The following KLHL5 variants were observed in gnomAD, a reference collection of about 807,000 sequenced individuals.
KLHL5 encodes kelch like family member 5.
A neutral mutation model predicts 77.7 loss-of-function variants in KLHL5; 48 were observed. That is an observed-to-expected ratio of 0.62 (90% CI 0.49 to 0.79). The LOEUF is 0.79. Among genes scored for constraint, KLHL5 ranks in the 30% least tolerant of loss-of-function variants. KLHL5 has a pLI of 0.00. For missense variants in KLHL5, 723 were observed against 859.7 expected (o/e 0.84, Z 1.99); for synonymous variants, 260 against 297.0 (o/e 0.88, Z 1.28).
Position 39,101,859 on chromosome 4 carries a change from A to AAAATAT in KLHL5, c.1301-1427_1301-1426insAATATA, listed in dbSNP as rs1553892985. Among the ~76,000 whole-genome samples the AAAATAT allele has an allele frequency of 2.7e-4, 28 of 104,770 alleles. No homozygotes were observed. The East Asian group carries it at 8.2e-3, about 31-fold the overall frequency. The allele number at this position is 104,770 out of a possible 152,430, so 68.7% of individuals were successfully genotyped here. On this transcript the variant is annotated intron_variant, in intron 6 of 10. Transcript: ENST00000504108. The stretch of plus-strand genomic sequence containing the variant: ...ACAGTCTGTCTCAAAAAAAAAAAAA[A>AAAATAT]ATATATATATATATATATACACACA...
Position 39,105,920 on chromosome 4 carries a change from G to C in KLHL5, c.1526-1649G>C, listed in dbSNP as rs544601316. ...ATTAAAATATATCTGTAATACAGGG[G>C]TTCTTTTGGCCCCCAAGTGACATAT... On this transcript the variant is annotated intron_variant, in intron 7 of 10. Coordinates refer to ENST00000504108, the MANE Select transcript of KLHL5 (RefSeq NM_015990.5). 3.3e-5 allele frequency among the ~76,000 whole-genome samples: 5 copies of C among 152,082 alleles called. No homozygotes were observed. The East Asian group carries it at 7.7e-4, about 24-fold the overall frequency.
In KLHL5 at chr4:39,096,769, G is replaced by A. The variant is rs774903974; in HGVS notation, c.1191G>A (p.Lys397=). 21 of 1,612,706 alleles carry A rather than the reference G, an allele frequency of 1.3e-5. No individual in the cohort carries two copies. The highest frequency in any genetic ancestry group is 1.2e-4 in the African/African-American group (9 of 74,880). The change falls in exon 6 of 11, where the codon AAG becomes AAA. Residue 397 remains lysine (K), a synonymous_variant. Coordinates refer to ENST00000504108, the MANE Select transcript of KLHL5 (RefSeq NM_015990.5). ...ECQKLIMEAM[K]YHLLPERRPM... ...AGAAACTCATTATGGAAGCAATGAA[G>A]TACCATTTATTACCAGAGAGACGAC...
chr4:39,048,637 G>GTTTTTTTTTTTTTTTTTTT (rs1577617588), intron 1 of KLHL5, among the ~76,000 whole-genome samples: 1 of 48,724 alleles, frequency 2.1e-5, no homozygotes, highest in African/African-American at 8.2e-5. Context: ...TTTTACATTG[G>GTTTTTTTTTTTTTTTTTTT]CTTTTTTTTT....
intron 6 of KLHL5, among the ~76,000 whole-genome samples, chr4:39,102,100 A>G (rs1721626804): frequency 6.6e-6 from 1 of 151,034 alleles, no homozygotes; most frequent in African/African-American, 2.4e-5. Flanking sequence ...TATGTATAAC[A>G]CAACTATTTC....
rs34713116 is a variant in KLHL5, at chr4:39,048,638, C to CTTTTTTTTTTTTTTTTT, written c.-95+3547_-95+3563dup. Among the ~76,000 whole-genome samples, 66 of 79,142 alleles carry CTTTTTTTTTTTTTTTTT rather than the reference C, an allele frequency of 8.3e-4. 9 individuals carry two copies. The highest frequency in any genetic ancestry group is 3.4e-3 in the African/African-American group (63 of 18,592). The allele number at this position is 79,142 out of a possible 152,430, so 51.9% of individuals were successfully genotyped here. On this transcript the variant is annotated intron_variant, in intron 1 of 11. Transcript: ENST00000261425. ...AAAGGATGTGGTGATTTTACATTGGCTTTTTTTTTTTTTTTTTTTTTGGAG... is the reference window on the plus strand; with the variant it reads ...AAAGGATGTGGTGATTTTACATTGGCTTTTTTTTTTTTTTTTTTTTTTTTTTTTTTTTTTTTTTGGAG...
At chr4:39,139,860 A>G in the KLHL5 span, among the ~76,000 whole-genome samples, 1 of 152,210 alleles carries the variant, frequency 6.6e-6, no homozygotes, top group East Asian at 1.9e-4. Context: ...CAGAATAGCT[A>G]GCTTGGAACT....
At chr4:39,106,878 AT>A (rs1722074188) in intron 7 of KLHL5, among the ~76,000 whole-genome samples, 1 of 150,564 alleles carries the variant, frequency 6.6e-6, no homozygotes, top group South Asian at 2.1e-4. Context: ...GGCTAAGACT[AT>A]AGGTGATGCC....
At chr4:39,069,023 T>C (rs760356318) in intron 1 of KLHL5, among the ~76,000 whole-genome samples, 3 of 152,198 alleles carry the variant, frequency 2.0e-5, no homozygotes, top group Non-Finnish European at 4.4e-5. Context: ...GTAGCTCTGC[T>C]TCACAAGTTC....
intron 8 of KLHL5, among the ~76,000 whole-genome samples, chr4:39,111,786 G>C (rs1722471073): frequency 6.6e-6 from 1 of 152,036 alleles, no homozygotes; most frequent in South Asian, 2.1e-4. Context: ...TTTAGAACAA[G>C]ATATTGCTAT....
intron 1 of KLHL5, among the ~76,000 whole-genome samples, chr4:39,057,158 A>G (rs1717060711): frequency 6.6e-6 from 1 of 152,184 alleles, no homozygotes; most frequent in Admixed American, 6.5e-5. Context: ...GGATTTTAAA[A>G]TCTTTCAAGT....
chr4:39,075,686 T>C (rs1195703440), intron 1 of KLHL5, among the ~76,000 whole-genome samples: 1 of 152,198 alleles, frequency 6.6e-6, no homozygotes, highest in Non-Finnish European at 1.5e-5. Context: ...AGCAGAGACA[T>C]TGGCTTTAAC....
upstream of KLHL5, among the ~76,000 whole-genome samples, chr4:39,058,396 C>A (rs1460046070): frequency 1.3e-5 from 2 of 152,042 alleles, no homozygotes; most frequent in East Asian, 3.8e-4. Flanking sequence ...GGGGCCATGG[C>A]GGGTGGATCA....
intron 1 of KLHL5, among the ~76,000 whole-genome samples, chr4:39,064,966 A>G (rs1276661376): frequency 2.0e-5 from 3 of 152,218 alleles, no homozygotes; most frequent in Admixed American, 2.0e-4. Context: ...TGACCAAACT[A>G]TTCCAAAAAT....
chr4:39,103,589 ACCCGT>A (rs1721785273), intron 7 of KLHL5, 78 bp downstream of exon 7: 1 of 1,181,054 alleles, frequency 8.5e-7, no homozygotes, highest in South Asian at 1.3e-5. Flanking sequence ...CAGGCAGAGG[ACCCGT>A]GTGGCAGCCA....
At chr4:39,103,764 C>A (rs1250880507) in intron 7 of KLHL5, among the ~76,000 whole-genome samples, 3 of 151,888 alleles carry the variant, frequency 2.0e-5, no homozygotes, top group Non-Finnish European at 4.4e-5. Flanking sequence ...AGTTCAAGAC[C>A]ATCCTGGGCA....
chr4:39,053,595 G>A (rs899287421), intron 1 of KLHL5, among the ~76,000 whole-genome samples: 1 of 151,922 alleles, frequency 6.6e-6, no homozygotes, highest in African/African-American at 2.4e-5. Context: ...TTTCTTCCTT[G>A]TGCACAGCAA....
intron 2 of KLHL5, among the ~76,000 whole-genome samples, chr4:39,078,720 G>A (rs1719325861): frequency 6.6e-6 from 1 of 151,932 alleles, no homozygotes; most frequent in Admixed American, 6.6e-5. Flanking sequence ...AAAAAAGAAT[G>A]ATACAATGGA....
At chr4:39,086,883 T>C (rs901095294) in intron 5 of KLHL5, among the ~76,000 whole-genome samples, 156 bp downstream of exon 5, 24 of 151,554 alleles carry the variant, frequency 1.6e-4, no homozygotes, top group African/African-American at 5.8e-4. Context: ...GCTACTTAAA[T>C]TGCTTCAATT....
chr4:39,115,961 T>G, intron 10 of KLHL5: 1 of 986,098 alleles, frequency 1.0e-6, no homozygotes, highest in Non-Finnish European at 1.2e-6. Flanking sequence ...CAGTACTTGG[T>G]ACATAAAAGA....
Sources: allele counts gnomAD v4.1 joint callset (sites outside exome capture counted in the v4.1 genomes callset), GRCh38; gene constraint gnomAD v4.1.1; transcripts MANE v1.5; gene names NCBI Gene and HGNC (gene_info 2026-07-23, HGNC 2026-07-21).